The following KIF9 variants were observed in gnomAD, a reference collection of about 807,000 sequenced individuals.
KIF9 encodes kinesin family member 9.
Under a neutral mutation model 94.8 loss-of-function variants are expected in KIF9, and 68 were observed. The observed-to-expected ratio is 0.72, with a 90% CI of 0.59 to 0.88. The LOEUF (loss-of-function observed/expected upper bound fraction) is 0.88. Ranked by LOEUF, KIF9 falls within the 40% of genes least tolerant of loss-of-function variation. KIF9 has a pLI of 0.00. For synonymous variants in KIF9, 343 were observed against 362.1 expected (o/e 0.95, Z 0.60); for missense variants, 882 against 982.5 (o/e 0.90, Z 1.37).
rs537270277 is a variant in KIF9, at chr3:47,263,002, G to A, written c.981+1284C>T. On this transcript the variant is annotated intron_variant, in intron 9 of 20. Coordinates refer to ENST00000684063, the MANE Select transcript of KIF9 (RefSeq NM_182902.4). ...CAACCTCTGCCTCCCAGGTTCAAGC[G>A]ATTCTCCTGTCTCAGCCTCCCGAGT... is the stretch of plus-strand genomic sequence containing the variant. Among the ~76,000 whole-genome samples, 66 of 152,134 alleles carry A rather than the reference G, an allele frequency of 4.3e-4. 1 individual carries two copies. Among genetic ancestry groups the A allele is most frequent in the African/African-American group, 1.5e-3 (61 of 41,508 alleles).
At chr3:47,258,054 G>A (rs1299865696) in intron 9 of KIF9, among the ~76,000 whole-genome samples, 3 of 152,010 alleles carry the variant, frequency 2.0e-5, no homozygotes, top group Non-Finnish European at 2.9e-5. Flanking sequence ...CAGTTTTCAG[G>A]GTCTCGATCA....
Position 47,262,461 on chromosome 3 carries a change from C to T in KIF9, c.981+1825G>A, listed in dbSNP as rs141749435. ...ATTTTTATGTTTTTACTAGAGACAG[C>T]GTTTCACCATGTTGGCCAGGCTGGT... On this transcript the variant is annotated intron_variant, in intron 9 of 20. Transcript: ENST00000684063. Among the ~76,000 whole-genome samples, 198 of 151,984 alleles carry T rather than the reference C, an allele frequency of 1.3e-3. 1 individual carries two copies. Among genetic ancestry groups the T allele is most frequent in the African/African-American group, 4.4e-3 (184 of 41,464 alleles).
chr3:47,239,647 G>T, intron 17 of KIF9: 1 of 1,058,510 alleles, frequency 9.4e-7, no homozygotes, highest in Non-Finnish European at 1.2e-6. Flanking sequence ...GAGTGCAGTG[G>T]CGCAATCTTG....
chr3:47,236,632 G>A lies in KIF9; in HGVS notation c.1925-13C>T, dbSNP rs1467290531. On this transcript the variant is annotated splice_polypyrimidine_tract_variant and intron_variant, in intron 17 of 20. Coordinates refer to ENST00000684063, the MANE Select transcript of KIF9 (RefSeq NM_182902.4). The stretch of plus-strand genomic sequence containing the variant: ...TTTTCGTACTTGCCTGCAAGGTGAT[G>A]GAAGAAGTCAGGAAATGAGGAGGTG... The A allele has an allele frequency of 6.2e-7, 1 of 1,612,640 alleles. No homozygotes were observed. Among genetic ancestry groups the A allele is most frequent in the Non-Finnish European group, 8.5e-7 (1 of 1,179,570 alleles).
In KIF9 at chr3:47,273,712, T is replaced by C. The variant is rs1303928134; in HGVS notation, c.260-54A>G. On this transcript the variant is annotated intron_variant, in intron 3 of 20. Coordinates refer to ENST00000684063, the MANE Select transcript of KIF9 (RefSeq NM_182902.4). ...CCAGGAAAATAGCTCCAAGGATAAC[T>C]CTCCCCTCTCCCAGCATGCCTGGTG... The C allele has an allele frequency of 6.8e-6, 10 of 1,468,032 alleles. No individual in the cohort carries two copies. In the African/African-American group the frequency reaches 1.4e-4, roughly 20 times the overall value. The allele number at this position is 1,468,032 out of a possible 1,614,324, so 90.9% of individuals were successfully genotyped here. A position where few individuals can be genotyped will look rare whatever the true frequency, so the allele number is the denominator to read the frequency against.
In KIF9 at chr3:47,282,680, A is replaced by C; in HGVS notation, c.-191T>G. 7.6e-7 allele frequency: 1 copy of C among 1,323,954 alleles called. No homozygotes were observed. The highest frequency in any genetic ancestry group is 9.7e-7 in the Non-Finnish European group (1 of 1,028,166). 82.0% of individuals were successfully genotyped at this position (1,323,954 alleles called of 1,614,324 possible). On this transcript the variant is annotated 5_prime_UTR_variant, in exon 1 of 21. It removes an upstream start codon present in the reference 5' UTR. Transcript: ENST00000684063. ...CTACGTCGAGGATACGGGTGAGGTC[A>C]TGGCCGAATCGGGAAGACGAGAGAT...
intron 16 of KIF9, among the ~76,000 whole-genome samples, chr3:47,242,121 C>A (rs1012992432): frequency 6.6e-6 from 1 of 151,926 alleles, no homozygotes; most frequent in African/African-American, 2.4e-5. Context: ...TTTAAGCAAT[C>A]CTTTCGCCTT....
intron 20 of KIF9, among the ~76,000 whole-genome samples, chr3:47,232,624 T>C (rs537047663): frequency 6.6e-6 from 1 of 152,184 alleles, no homozygotes; most frequent in Non-Finnish European, 1.5e-5. Context: ...TAAGGTATTT[T>C]GTTGCAGCAG....
chr3:47,238,400 G>A (rs1450759918), intron 17 of KIF9: 1 of 151,910 alleles, frequency 6.6e-6, no homozygotes, highest in Non-Finnish European at 1.5e-5. Context: ...ATGTTTTTTT[G>A]TAGAGACGGG....
Position 47,282,572 on chromosome 3 carries a change from G to A in KIF9, c.-83C>T. 9.6e-7 allele frequency: 1 copy of A among 1,044,262 alleles called. No homozygotes were observed. Among genetic ancestry groups the A allele is most frequent in the Non-Finnish European group, 1.2e-6 (1 of 864,258 alleles). The allele number at this position is 1,044,262 out of a possible 1,614,324, so 64.7% of individuals were successfully genotyped here. ...CTGCACTCCCCACGCGGGGCTGCCTGGCTGTGTACATAGTCGCCATGGCAA... is the reference window on the plus strand; with the variant it reads ...CTGCACTCCCCACGCGGGGCTGCCTAGCTGTGTACATAGTCGCCATGGCAA... On this transcript the variant is annotated 5_prime_UTR_variant, in exon 1 of 21. Transcript: ENST00000684063.
At chr3:47,268,679 C>T (rs1042714983) in intron 5 of KIF9, among the ~76,000 whole-genome samples, 1 of 151,336 alleles carries the variant, frequency 6.6e-6, no homozygotes, top group South Asian at 2.1e-4. Flanking sequence ...GCCTCCCGGG[C>T]TCAAGTGATC....
intron 12 of KIF9, 49 bp from the exon 13 acceptor site, chr3:47,246,301 G>T: frequency 1.3e-6 from 2 of 1,501,184 alleles, no homozygotes; most frequent in South Asian, 1.2e-5. Flanking sequence ...CACCTCGAGG[G>T]ACCAGGGGGC....
intron 5 of KIF9, among the ~76,000 whole-genome samples, chr3:47,269,919 G>A (rs1023762918): frequency 2.0e-5 from 3 of 152,090 alleles, no homozygotes; most frequent in African/African-American, 7.2e-5. Flanking sequence ...GGGAGTTAGC[G>A]CCACCACATC....
At chr3:47,244,412 G>T in intron 15 of KIF9, 1 of 173,420 alleles carries the variant, frequency 5.8e-6, no homozygotes, top group Non-Finnish European at 1.2e-5. Flanking sequence ...GAAGTGAGGG[G>T]AGGGGGTACA....
intron 10 of KIF9, 23 bp downstream of exon 10, chr3:47,257,460 C>A: frequency 6.2e-7 from 1 of 1,606,866 alleles, no homozygotes; most frequent in South Asian, 1.1e-5. Flanking sequence ...CAGTGGGACA[C>A]CTGTCCACAA....
At chr3:47,243,653 C>A (rs533083482) in intron 15 of KIF9, 1 of 157,240 alleles carries the variant, frequency 6.4e-6, no homozygotes, top group East Asian at 1.9e-4. Flanking sequence ...GTCTGTGGAT[C>A]AATGGTAAAG....
At chr3:47,260,184 T>C (rs1205377765) in intron 9 of KIF9, among the ~76,000 whole-genome samples, 2 of 132,354 alleles carry the variant, frequency 1.5e-5, no homozygotes, top group East Asian at 2.2e-4. Flanking sequence ...TGTGTATGCA[T>C]ATCTAAAAGC....
At chr3:47,281,047 C>T (rs192838820) in intron 1 of KIF9, 5 of 702,934 alleles carry the variant, frequency 7.1e-6, no homozygotes, top group African/African-American at 3.5e-5. Flanking sequence ...AAGGATTGTG[C>T]TTTTTATCTC....
In KIF9 at chr3:47,246,221, AAC is replaced by A; in HGVS notation, c.1263_1264del (p.Phe422GlnfsTer26). The A allele has an allele frequency of 6.2e-7, 1 of 1,613,752 alleles. No homozygotes were observed. The highest frequency in any genetic ancestry group is 8.5e-7 in the Non-Finnish European group (1 of 1,179,812). On this transcript the variant is annotated frameshift_variant, in exon 13 of 21. Transcript: ENST00000684063. LOFTEE classifies it high-confidence loss of function. ...CCTCAGAACCACCCGGAACTGGTTG[AAC>A]ACCTCCTTGATCTGTCTAAGGCTGA...
Sources: allele counts gnomAD v4.1 joint callset (sites outside exome capture counted in the v4.1 genomes callset), GRCh38; gene constraint gnomAD v4.1.1; transcripts MANE v1.5; gene names NCBI Gene and HGNC (gene_info 2026-07-23, HGNC 2026-07-21).